LRRC37A2: variants seen among roughly 807,000 people sequenced by gnomAD.
LRRC37A2 encodes leucine-rich repeat-containing protein 37A2.
Under a neutral mutation model 68.8 loss-of-function variants are expected in LRRC37A2, and 9 were observed. The observed-to-expected ratio is 0.13, with a 90% CI of 0.08 to 0.23. The LOEUF is 0.23. Ranked by LOEUF, LRRC37A2 falls within the 10% of genes least tolerant of loss-of-function variation. The pLI is 1.00. For synonymous variants in LRRC37A2, 63 were observed against 367.6 expected (o/e 0.17, Z 9.48); for missense variants, 168 against 950.4 (o/e 0.18, Z 10.82).
At chr17:46,724,897 G>A in the LRRC37A2 span, among the ~76,000 whole-genome samples, 2 of 152,180 alleles carry the variant, frequency 1.3e-5, no homozygotes, top group South Asian at 2.1e-4. Context: ...ACTGCCCTGA[G>A]AGTGATTTCC....
chr17:46,756,190 G>T, the LRRC37A2 span: 1 of 184,520 alleles, frequency 5.4e-6, no homozygotes, highest in Admixed American at 6.1e-5. Context: ...CATGAATGTT[G>T]CATGACAACA....
At chr17:46,837,134 G>A in the LRRC37A2 span, among the ~76,000 whole-genome samples, 1 of 152,050 alleles carries the variant, frequency 6.6e-6, no homozygotes, top group African/African-American at 2.4e-5. Flanking sequence ...GTAGAGATGG[G>A]GTTTCACCAT....
chr17:46,811,525 G>A, the LRRC37A2 span, among the ~76,000 whole-genome samples: 2 of 152,172 alleles, frequency 1.3e-5, no homozygotes, highest in African/African-American at 2.4e-5. Flanking sequence ...GCCTCTGAGC[G>A]CAGGACCTTC....
the LRRC37A2 span, among the ~76,000 whole-genome samples, chr17:46,983,793 G>A: frequency 6.6e-6 from 1 of 152,236 alleles, no homozygotes; most frequent in Non-Finnish European, 1.5e-5. Flanking sequence ...GCTTAGGTGG[G>A]TGGCTCTGGC....
the LRRC37A2 span, among the ~76,000 whole-genome samples, chr17:46,730,219 C>A: frequency 6.6e-6 from 1 of 151,998 alleles, no homozygotes; most frequent in Non-Finnish European, 1.5e-5. Flanking sequence ...ATTATGCACA[C>A]AAAAAAACTT....
chr17:46,938,761 G>A, the LRRC37A2 span: 8 of 1,613,810 alleles, frequency 5.0e-6, no homozygotes, highest in Non-Finnish European at 6.8e-6. Context: ...CCTGACATGA[G>A]CCAGCCACGC....
At chr17:46,470,336 CTT>C in the LRRC37A2 span, among the ~76,000 whole-genome samples, 1 of 44,892 alleles carries the variant, frequency 2.2e-5, no homozygotes, top group Non-Finnish European at 5.2e-5. Context: ...TTTTTAAAAA[CTT>C]AGATATTATA....
the LRRC37A2 span, among the ~76,000 whole-genome samples, chr17:46,965,692 G>A: frequency 1.1e-3 from 160 of 152,164 alleles, no homozygotes; most frequent in Admixed American, 8.8e-3. Context: ...GTGTGATCAC[G>A]GCACGCTGCA....
chr17:46,951,434 G>A, the LRRC37A2 span, among the ~76,000 whole-genome samples: 6 of 152,174 alleles, frequency 3.9e-5, no homozygotes, highest in African/African-American at 1.2e-4. Flanking sequence ...CCCAGCTGCC[G>A]CGCCAGCCCA....
chr17:46,900,497 G>C, the LRRC37A2 span, among the ~76,000 whole-genome samples: 4 of 152,216 alleles, frequency 2.6e-5, no homozygotes, highest in Non-Finnish European at 5.9e-5. Flanking sequence ...TGATGCACCC[G>C]CCTTGGCCTC....
chr17:46,790,722 C>A, the LRRC37A2 span, among the ~76,000 whole-genome samples: 1 of 152,206 alleles, frequency 6.6e-6, no homozygotes, highest in Non-Finnish European at 1.5e-5. Context: ...TCCATGTTCA[C>A]GGCCACAGAA....
the LRRC37A2 span, among the ~76,000 whole-genome samples, chr17:46,490,584 C>T: frequency 2.0e-5 from 3 of 150,238 alleles, no homozygotes; most frequent in African/African-American, 5.0e-5. Context: ...ATTAGCCGGG[C>T]GTGGTGGTAG....
the LRRC37A2 span, among the ~76,000 whole-genome samples, chr17:46,405,922 T>G: frequency 6.7e-6 from 1 of 148,774 alleles, no homozygotes; most frequent in Middle Eastern, 3.5e-3. Context: ...AAGGCTGTTT[T>G]TTTTTTTTTA....
the LRRC37A2 span, among the ~76,000 whole-genome samples, chr17:46,733,259 G>A: frequency 3.9e-5 from 6 of 152,316 alleles, no homozygotes; most frequent in African/African-American, 1.4e-4. Flanking sequence ...CAAGGAGGAA[G>A]CGGTAGTGAG....
At chr17:46,932,430 A>G in the LRRC37A2 span, 2 of 607,952 alleles carry the variant, frequency 3.3e-6, no homozygotes, top group African/African-American at 3.7e-5. Context: ...GAAGGGGAAT[A>G]GGCAGAGGTG....
the LRRC37A2 span, among the ~76,000 whole-genome samples, chr17:46,816,275 TACAC>T: frequency 5.1e-4 from 78 of 151,798 alleles, no homozygotes; most frequent in Admixed American, 5.1e-3. Flanking sequence ...CACATGTACA[TACAC>T]ACATCACAGC....
the LRRC37A2 span, chr17:46,773,824 G>C: frequency 6.2e-7 from 1 of 1,613,482 alleles, no homozygotes; most frequent in Non-Finnish European, 8.5e-7. Context: ...CAGAAGCGCA[G>C]TTGCTTGGGG....
At chr17:46,785,046 G>A in the LRRC37A2 span, among the ~76,000 whole-genome samples, 2 of 152,190 alleles carry the variant, frequency 1.3e-5, no homozygotes, top group South Asian at 4.1e-4. Context: ...CAAAGTGCTG[G>A]GATTACAGGC....
chr17:46,874,970 T>C, the LRRC37A2 span: 329 of 1,426,012 alleles, frequency 2.3e-4, no homozygotes, highest in African/African-American at 4.1e-3. Flanking sequence ...AGCCACATTC[T>C]CTTGTCCTGC....
Sources: allele counts gnomAD v4.1 joint callset (sites outside exome capture counted in the v4.1 genomes callset), GRCh38; gene constraint gnomAD v4.1.1; transcripts MANE v1.5; gene names NCBI Gene and HGNC (gene_info 2026-07-23, HGNC 2026-07-21).